NCAM2: variants seen among roughly 807,000 people sequenced by gnomAD.
NCAM2 encodes N-CAM-2.
In NCAM2, 30 loss-of-function variants were observed where a neutral mutation model predicts 98.1. That is an observed-to-expected ratio of 0.31 (90% CI 0.23 to 0.41). The LOEUF is 0.41. Ranked by LOEUF, NCAM2 falls within the 10% of genes least tolerant of loss-of-function variation. The pLI is 1.00. For missense variants in NCAM2, 867 were observed against 1,005.8 expected (o/e 0.86, Z 1.87); for synonymous variants, 368 against 342.4 (o/e 1.07, Z -0.83).
At chr21:21,321,991 A>G (rs1479168709) in intron 5 of NCAM2, among the ~76,000 whole-genome samples, 1 of 152,170 alleles carries the variant, frequency 6.6e-6, no homozygotes, top group Non-Finnish European at 1.5e-5. Flanking sequence ...ATAAATTGTA[A>G]CAGACACATG....
At chr21:21,237,875 A>G (rs555662156) in intron 1 of NCAM2, among the ~76,000 whole-genome samples, 1 of 151,632 alleles carries the variant, frequency 6.6e-6, no homozygotes, top group South Asian at 2.1e-4. Context: ...AATTGCATAT[A>G]CTAAAAAAAA....
chr21:21,488,912 T>C (rs918367592), intron 15 of NCAM2, among the ~76,000 whole-genome samples: 1 of 152,144 alleles, frequency 6.6e-6, no homozygotes, highest in Non-Finnish European at 1.5e-5. Context: ...GTGTAAGAGA[T>C]AATGTAACAT....
chr21:21,125,508 T>TAATATA (rs1601434524), intron 1 of NCAM2, among the ~76,000 whole-genome samples: 9 of 75,866 alleles, frequency 1.2e-4, no homozygotes, highest in South Asian at 4.5e-4. Flanking sequence ...TATGTAATAT[T>TAATATA]TTACATATAT....
At chr21:21,091,471 T>C (rs2066010868) in intron 1 of NCAM2, among the ~76,000 whole-genome samples, 1 of 152,120 alleles carries the variant, frequency 6.6e-6, no homozygotes. Context: ...TTTTAATACA[T>C]ATGTATTAGT....
At chr21:21,466,057 T>G (rs961558747) in intron 12 of NCAM2, among the ~76,000 whole-genome samples, 2 of 152,044 alleles carry the variant, frequency 1.3e-5, no homozygotes, top group African/African-American at 4.8e-5. Flanking sequence ...AAATACAAGT[T>G]ATGAGTAGGC....
intron 1 of NCAM2, among the ~76,000 whole-genome samples, chr21:21,001,661 C>T (rs1010086899): frequency 1.3e-5 from 2 of 152,254 alleles, no homozygotes; most frequent in Non-Finnish European, 2.9e-5. Context: ...GATTAATAAG[C>T]ATTTTTCCTG....
intron 12 of NCAM2, among the ~76,000 whole-genome samples, chr21:21,443,631 A>T (rs1327378472): frequency 6.6e-6 from 1 of 152,074 alleles, no homozygotes; most frequent in East Asian, 1.9e-4. Context: ...GCTTCTTTGG[A>T]TAACAGTTCT....
rs543219585 is a variant in NCAM2, at chr21:21,123,998, C to A, written c.55+125380C>A. 2.0e-5 allele frequency among the ~76,000 whole-genome samples: 3 copies of A among 151,964 alleles called. No homozygotes were observed. The South Asian group carries it at 6.2e-4, about 32-fold the overall frequency. ...GAGTAGCTGGGACTGTAGGCGCCCG[C>A]CAGCACGCCCAGCTAATTTTTGTAT... On this transcript the variant is annotated intron_variant, in intron 1 of 17. Coordinates refer to ENST00000400546, the MANE Select transcript of NCAM2 (RefSeq NM_004540.5).
chr21:21,533,870 AGAC>A (rs1311674433), intron 16 of NCAM2, among the ~76,000 whole-genome samples: 23 of 152,120 alleles, frequency 1.5e-4, no homozygotes, highest in African/African-American at 5.1e-4. Flanking sequence ...AATTTGATAA[AGAC>A]GACATTGGAG....
intron 1 of NCAM2, among the ~76,000 whole-genome samples, chr21:21,031,449 A>C (rs952166177): frequency 3.3e-5 from 5 of 152,302 alleles, no homozygotes; most frequent in South Asian, 4.1e-4. Flanking sequence ...TGTTGGGCCC[A>C]ACCACCTCCC....
chr21:21,376,776 C>T lies in NCAM2; in HGVS notation c.1195+2763C>T, dbSNP rs1211872200. 2.6e-5 allele frequency among the ~76,000 whole-genome samples: 4 copies of T among 151,764 alleles called. No homozygotes were observed. In the East Asian group the frequency reaches 7.7e-4, roughly 29 times the overall value. On this transcript the variant is annotated intron_variant, in intron 9 of 17. Transcript: ENST00000400546. ...GTTTAAATATTGGTTTATGTTTCTG[C>T]TTAATTATTCCAAGGTAAATGTGCA...
At chr21:21,225,569 C>T (rs567653903) in intron 1 of NCAM2, among the ~76,000 whole-genome samples, 43 of 151,970 alleles carry the variant, frequency 2.8e-4, no homozygotes, top group African/African-American at 8.9e-4. Context: ...TAACTTATTA[C>T]AGGGGTCAGA....
intron 1 of NCAM2, among the ~76,000 whole-genome samples, chr21:21,072,726 C>T (rs2065598455): frequency 6.6e-6 from 1 of 151,896 alleles, no homozygotes; most frequent in African/African-American, 2.4e-5. Context: ...TACTGCTGCC[C>T]TATTTATTTT....
intron 15 of NCAM2, among the ~76,000 whole-genome samples, chr21:21,491,709 G>T (rs1986861026): frequency 6.6e-6 from 1 of 151,420 alleles, no homozygotes; most frequent in East Asian, 1.9e-4. Context: ...TTGTTTTGGA[G>T]CATATTTAAT....
In NCAM2 at chr21:21,050,448, A is replaced by G. The variant is rs907673644; in HGVS notation, c.55+51830A>G. 2.0e-5 allele frequency among the ~76,000 whole-genome samples: 3 copies of G among 152,290 alleles called. No individual in the cohort carries two copies. The East Asian group carries it at 5.8e-4, about 29-fold the overall frequency. ...TGGTCAAAGTAAAGAAGGCACATTG[A>G]TTGATACTGCTTTCTGTGTTCCTTG... On this transcript the variant is annotated intron_variant, in intron 1 of 17. Coordinates refer to ENST00000400546, the MANE Select transcript of NCAM2 (RefSeq NM_004540.5).
intron 15 of NCAM2, among the ~76,000 whole-genome samples, chr21:21,483,315 AT>A (rs1341960919): frequency 6.6e-6 from 1 of 152,066 alleles, no homozygotes; most frequent in African/African-American, 2.4e-5. Context: ...CTCTGGGAAC[AT>A]GTAATGCATA....
chr21:21,515,294 G>A (rs1449076623), intron 16 of NCAM2, among the ~76,000 whole-genome samples: 1 of 152,112 alleles, frequency 6.6e-6, no homozygotes, highest in Non-Finnish European at 1.5e-5. Flanking sequence ...CTATTCATGA[G>A]GGTCATGACA....
At chr21:21,070,846 A>G (rs561168527) in intron 1 of NCAM2, among the ~76,000 whole-genome samples, 47 of 152,344 alleles carry the variant, frequency 3.1e-4, no homozygotes, top group African/African-American at 1.1e-3. Flanking sequence ...GGAATGGGCT[A>G]TCCAATAAAT....
intron 10 of NCAM2, 149 bp from the exon 11 acceptor site, chr21:21,418,324 T>C (rs2077035925): frequency 3.3e-6 from 2 of 613,238 alleles, no homozygotes; most frequent in Non-Finnish European, 5.8e-6. Context: ...TATTTAGTAA[T>C]GCTTACTTAA....
Sources: allele counts gnomAD v4.1 joint callset (sites outside exome capture counted in the v4.1 genomes callset), GRCh38; gene constraint gnomAD v4.1.1; transcripts MANE v1.5; gene names NCBI Gene and HGNC (gene_info 2026-07-23, HGNC 2026-07-21).